The following BBS9 variants were observed in gnomAD, a reference collection of about 807,000 sequenced individuals.
BBS9 encodes Bardet-Biedl syndrome 9, also known as protein PTHB1.
In BBS9, 89 loss-of-function variants were observed where a neutral mutation model predicts 117.7. The observed-to-expected ratio is 0.76, with a 90% confidence interval of 0.64 to 0.90. The LOEUF (loss-of-function observed/expected upper bound fraction) is 0.90. Among genes scored for constraint, BBS9 ranks in the 40% least tolerant of loss-of-function variants. BBS9 has a pLI of 0.00. For missense variants in BBS9, 982 were observed against 1,042.2 expected (o/e 0.94, Z 0.80); for synonymous variants, 379 against 370.9 (o/e 1.02, Z -0.25).
At chr7:33,539,823 G>A (rs1038828682) in intron 21 of BBS9, among the ~76,000 whole-genome samples, 4 of 152,322 alleles carry the variant, frequency 2.6e-5, no homozygotes, top group African/African-American at 9.6e-5. Context: ...ATTAAACTTG[G>A]CATAATTTGC....
chr7:33,316,780 T>C (rs1810602468), intron 9 of BBS9, among the ~76,000 whole-genome samples: 1 of 152,202 alleles, frequency 6.6e-6, no homozygotes, highest in African/African-American at 2.4e-5. Context: ...CGCAAGTCCT[T>C]TGATGAAAAT....
At chr7:33,575,752 A>G (rs563028609) in intron 21 of BBS9, among the ~76,000 whole-genome samples, 15 of 152,208 alleles carry the variant, frequency 9.9e-5, no homozygotes, top group Non-Finnish European at 1.8e-4. Flanking sequence ...CTGGTTCAAC[A>G]TACACAAATC....
At chr7:33,377,920 A>C (rs1824192801) in intron 17 of BBS9, among the ~76,000 whole-genome samples, 1 of 152,216 alleles carries the variant, frequency 6.6e-6, no homozygotes, top group Non-Finnish European at 1.5e-5. Context: ...CTTTGGAAAA[A>C]TTAAATAACC....
chr7:33,201,445 G>A (rs1001457407), intron 5 of BBS9, among the ~76,000 whole-genome samples: 2 of 151,604 alleles, frequency 1.3e-5, no homozygotes, highest in Admixed American at 6.6e-5. Context: ...AAATTCCATA[G>A]ACTTTTAAAC....
intron 9 of BBS9, among the ~76,000 whole-genome samples, chr7:33,336,208 T>C (rs948271209): frequency 6.6e-6 from 1 of 152,232 alleles, no homozygotes; most frequent in Non-Finnish European, 1.5e-5. Flanking sequence ...GTAGCTATTA[T>C]AATAATTAAG....
chr7:33,225,879 T>C (rs1791167568), intron 5 of BBS9, among the ~76,000 whole-genome samples: 1 of 152,216 alleles, frequency 6.6e-6, no homozygotes, highest in South Asian at 2.1e-4. Context: ...CTCCCAATTA[T>C]GATGCAGACC....
Position 33,264,369 on chromosome 7 carries a change from C to A in BBS9, c.697C>A (p.Leu233Ile). ...EQQKLGSGKR[L>I]VVDWTLNIGE... ...GCAAAAACTTGGTTCTGGAAAAAGA[C>A]TAGTTGTAAGGCCTTTTTTTAATAT... Residue 233 changes from leucine to isoleucine, a missense_variant, in exon 7 of 23, where the codon CTA becomes ATA. Transcript: ENST00000242067. The A allele has an allele frequency of 6.3e-7, 1 of 1,576,204 alleles. No homozygotes were observed. Among genetic ancestry groups the A allele is most frequent in the Non-Finnish European group, 8.6e-7 (1 of 1,158,988 alleles).
intron 5 of BBS9, among the ~76,000 whole-genome samples, chr7:33,195,594 T>C (rs1252488572): frequency 6.6e-6 from 1 of 152,216 alleles, no homozygotes; most frequent in Non-Finnish European, 1.5e-5. Context: ...CTCTTCCTAC[T>C]TTTTAGCTTG....
intron 4 of BBS9, among the ~76,000 whole-genome samples, chr7:33,157,349 T>C (rs934675640): frequency 2.6e-5 from 4 of 152,250 alleles, no homozygotes; most frequent in Non-Finnish European, 5.9e-5. Flanking sequence ...AGTTATTTGC[T>C]ATGGGAATGG....
intron 21 of BBS9, among the ~76,000 whole-genome samples, chr7:33,566,535 G>A (rs1253249285): frequency 6.6e-6 from 1 of 151,954 alleles, no homozygotes; most frequent in Non-Finnish European, 1.5e-5. Flanking sequence ...ATTTAAAGAG[G>A]AGTTGCTCTG....
chr7:33,444,551 G>A (rs957342308), intron 19 of BBS9, among the ~76,000 whole-genome samples: 2 of 152,176 alleles, frequency 1.3e-5, no homozygotes, highest in African/African-American at 4.8e-5. Flanking sequence ...ATTATAGAAA[G>A]CTGATTTGCA....
intron 21 of BBS9, among the ~76,000 whole-genome samples, chr7:33,633,975 T>G (rs1866022083): frequency 6.6e-6 from 1 of 152,174 alleles, no homozygotes; most frequent in Non-Finnish European, 1.5e-5. Context: ...CTCTTCACAA[T>G]TCAGATCTGA....
intron 19 of BBS9, among the ~76,000 whole-genome samples, chr7:33,498,453 C>T (rs775550923): frequency 5.9e-5 from 9 of 152,118 alleles, no homozygotes; most frequent in Admixed American, 3.9e-4. Context: ...AATTTTAGAA[C>T]ATTTTAACCC....
intron 5 of BBS9, among the ~76,000 whole-genome samples, chr7:33,217,114 C>T (rs1562815264): frequency 6.6e-6 from 1 of 151,888 alleles, no homozygotes. Context: ...AAAAAATTAA[C>T]CAACTAAAAA....
At chr7:33,367,399 G>A (rs577876037) in intron 16 of BBS9, among the ~76,000 whole-genome samples, 4 of 151,930 alleles carry the variant, frequency 2.6e-5, no homozygotes, top group South Asian at 2.1e-4. Context: ...TTTATCTCTG[G>A]CCAGTAGTAG....
chr7:33,520,794 T>C (rs1848485042), intron 20 of BBS9, among the ~76,000 whole-genome samples: 1 of 152,232 alleles, frequency 6.6e-6, no homozygotes, highest in Non-Finnish European at 1.5e-5. Flanking sequence ...TTCGTCTTTC[T>C]TGGGCCTCCA....
intron 19 of BBS9, among the ~76,000 whole-genome samples, chr7:33,453,458 G>A (rs2128921069): frequency 1.3e-5 from 2 of 151,858 alleles, no homozygotes; most frequent in Middle Eastern, 3.4e-3. Flanking sequence ...AAGACCATGA[G>A]GATAAAGACC....
At chr7:33,206,101 G>T (rs1786864715) in intron 5 of BBS9, among the ~76,000 whole-genome samples, 1 of 152,132 alleles carries the variant, frequency 6.6e-6, no homozygotes, top group Non-Finnish European at 1.5e-5. Flanking sequence ...TGGCAGGGAG[G>T]TCATCTGCGC....
At chr7:33,628,872 C>G (rs1031223660) in intron 21 of BBS9, among the ~76,000 whole-genome samples, 1 of 152,124 alleles carries the variant, frequency 6.6e-6, no homozygotes, top group African/African-American at 2.4e-5. Context: ...ATATTACCCA[C>G]AAACAATTGG....
Sources: gnomAD v4.1 joint callset for allele counts (sites outside exome capture counted in the v4.1 genomes callset) on GRCh38, gnomAD v4.1.1 for gene constraint, MANE v1.5 for transcripts, NCBI Gene and HGNC (gene_info 2026-07-23, HGNC 2026-07-21) for gene names.